PPFIBP2: variants seen among roughly 807,000 people sequenced by gnomAD.
PPFIBP2 encodes the protein PPFIB scaffold protein 2.
A neutral mutation model predicts 118.3 loss-of-function variants in PPFIBP2; 118 were observed. That is an observed-to-expected ratio of 1.00 (90% CI 0.86 to 1.16). PPFIBP2 has a LOEUF of 1.16. Ranked by LOEUF, PPFIBP2 falls within the 50% of genes most tolerant of loss-of-function variation. The pLI is 0.00. For missense variants in PPFIBP2, 1,195 were observed against 1,073.1 expected (o/e 1.11, Z -1.59); for synonymous variants, 414 against 397.4 (o/e 1.04, Z -0.50).
chr11:7,639,928 G>A (rs1222285126), intron 15 of PPFIBP2, 58 bp downstream of exon 15: 5 of 1,562,220 alleles, frequency 3.2e-6, no homozygotes, highest in East Asian at 2.3e-5. Flanking sequence ...CACTTTCAAT[G>A]ATTGTATAAG....
At chr11:7,555,022 T>G (rs576962513) in intron 2 of PPFIBP2, among the ~76,000 whole-genome samples, 3 of 152,244 alleles carry the variant, frequency 2.0e-5, no homozygotes, top group African/African-American at 7.2e-5. Context: ...TCACTGTAAT[T>G]GAATTACACT....
At chr11:7,643,073 T>A (rs1331639563) in intron 17 of PPFIBP2, among the ~76,000 whole-genome samples, 5 of 152,186 alleles carry the variant, frequency 3.3e-5, no homozygotes, top group African/African-American at 1.2e-4. Flanking sequence ...GACCATTAGC[T>A]TTTAGAGGCT....
intron 7 of PPFIBP2, among the ~76,000 whole-genome samples, chr11:7,622,433 C>T (rs367678088): frequency 6.6e-5 from 10 of 152,180 alleles, no homozygotes. Context: ...CTCTCTATCT[C>T]AGTGTCTCTG....
chr11:7,526,826 C>G (rs1185010424), intron 1 of PPFIBP2, among the ~76,000 whole-genome samples: 1 of 152,106 alleles, frequency 6.6e-6, no homozygotes, highest in Non-Finnish European at 1.5e-5. Context: ...GAGCAAATGT[C>G]TTTGTGGGCT....
chr11:7,611,373 G>A (rs1848053408), intron 6 of PPFIBP2, among the ~76,000 whole-genome samples: 1 of 151,950 alleles, frequency 6.6e-6, no homozygotes, highest in Admixed American at 6.5e-5. Context: ...GATGGATATT[G>A]TTCCCTTCTG....
At chr11:7,542,517 T>C (rs1851902887) in intron 1 of PPFIBP2, among the ~76,000 whole-genome samples, 1 of 152,260 alleles carries the variant, frequency 6.6e-6, no homozygotes, top group Admixed American at 6.5e-5. Context: ...CTTCCTCAGA[T>C]GCAGCTGCTT....
At chr11:7,570,193 G>C (rs1309694780) in intron 3 of PPFIBP2, among the ~76,000 whole-genome samples, 1 of 152,182 alleles carries the variant, frequency 6.6e-6, no homozygotes, top group Admixed American at 6.5e-5. Context: ...AGGTTGGGTG[G>C]TGGAAACCTT....
In PPFIBP2 at chr11:7,629,446, T is replaced by G; in HGVS notation, c.889-13T>G. 1 of 1,612,786 alleles carries G rather than the reference T, an allele frequency of 6.2e-7. No individual in the cohort carries two copies. ...CATAGCATTAATCTAAATCTCTACT[T>G]GCACTATGGCAGGACCGTCGGATAG... On this transcript the variant is annotated splice_polypyrimidine_tract_variant and intron_variant, in intron 9 of 23. Transcript: ENST00000299492.
At chr11:7,618,885 GTTTT>G (rs36101082) in intron 6 of PPFIBP2, among the ~76,000 whole-genome samples, 2 of 124,544 alleles carry the variant, frequency 1.6e-5, no homozygotes, top group Non-Finnish European at 3.3e-5. Flanking sequence ...CCATCCAGAA[GTTTT>G]TTTTTTTTTT....
rs1848622426 is a variant in PPFIBP2 at position 7,616,175 on chromosome 11, T to A, written c.619-4760T>A. ...ACACACAAACACCCACACACAGTTATGTTCTTAAAAAGAAAAAATGGACTT... is the reference window on the plus strand; with the variant it reads ...ACACACAAACACCCACACACAGTTAAGTTCTTAAAAAGAAAAAATGGACTT... On this transcript the variant is annotated intron_variant, in intron 6 of 23. Coordinates refer to ENST00000299492, the MANE Select transcript of PPFIBP2 (RefSeq NM_003621.5). This position sits in a 1 kb window ranked among gnomAD's most constrained non-coding sequence, Gnocchi z 5.2. Among the ~76,000 whole-genome samples, 2 of 152,056 alleles carry A rather than the reference T, an allele frequency of 1.3e-5. No individual in the cohort carries two copies. Among genetic ancestry groups the A allele is most frequent in the South Asian group, 2.1e-4 (1 of 4,820 alleles).
At position 7,632,874 on chromosome 11, in the gene PPFIBP2, C is replaced by G; in HGVS notation, c.1076C>G (p.Pro359Arg). 1 of 1,613,664 alleles carries G rather than the reference C, an allele frequency of 6.2e-7. No homozygotes were observed. The highest frequency in any genetic ancestry group is 2.2e-5 in the East Asian group (1 of 44,868). Reference protein sequence around the residue: ...PEELFKQEMPPRCSSPTVGPP... With the variant: ...PEELFKQEMPRRCSSPTVGPP... ...CTTCTGTCTCTGGTGCAGATGCCTCCAAGATGTAGCTCTCCTACAGTGGGG... is the reference window on the plus strand; with the variant it reads ...CTTCTGTCTCTGGTGCAGATGCCTCGAAGATGTAGCTCTCCTACAGTGGGG... The change falls in exon 12 of 24, where the codon CCA (proline) becomes CGA (arginine). Residue 359 changes from proline (P) to arginine (R), a missense_variant. Physicochemically the swap from Pro to Arg is moderately radical, Grantham distance 103. Transcript: ENST00000299492.
Position 7,629,481 on chromosome 11 carries a change from C to T in PPFIBP2, c.911C>T (p.Thr304Met), listed in dbSNP as rs756829927. 32 of 1,614,058 alleles carry T rather than the reference C, an allele frequency of 2.0e-5. No homozygotes were observed. Among genetic ancestry groups the T allele is most frequent in the South Asian group, 4.4e-5 (4 of 91,080 alleles). The change falls in exon 10 of 24, where the codon ACG becomes ATG. Residue 304 changes from threonine to methionine, a missense_variant. Thr to Met is a moderately conservative substitution (Grantham distance 81). Transcript: ENST00000299492. ...CAGGACCGTCGGATAGAGGAGCTTA[C>T]GGGGCTGTTAAACCAGTACCGGAAG... ...EDKDRRIEEL[T>M]GLLNQYRKVK...
intron 3 of PPFIBP2, among the ~76,000 whole-genome samples, chr11:7,576,129 G>A (rs1463800798): frequency 6.6e-6 from 1 of 152,236 alleles, no homozygotes; most frequent in African/African-American, 2.4e-5. Flanking sequence ...GGCATGAGGG[G>A]CATGAAGGAC....
chr11:7,529,333 T>G (rs1850481969), intron 1 of PPFIBP2, among the ~76,000 whole-genome samples: 1 of 152,140 alleles, frequency 6.6e-6, no homozygotes, highest in Non-Finnish European at 1.5e-5. Context: ...ATGAGACAGA[T>G]CTTATCGGCT....
At chr11:7,572,246 G>A (rs1418430466) in intron 3 of PPFIBP2, among the ~76,000 whole-genome samples, 1 of 152,112 alleles carries the variant, frequency 6.6e-6, no homozygotes, top group African/African-American at 2.4e-5. Context: ...CACAGTTTAT[G>A]TCACGCCCTG....
intron 1 of PPFIBP2, among the ~76,000 whole-genome samples, chr11:7,528,353 A>G (rs138559542): frequency 2.2e-4 from 34 of 152,330 alleles, no homozygotes; most frequent in Non-Finnish European, 3.1e-4. Context: ...ACATTACAAT[A>G]GAAACTGTTA....
intron 17 of PPFIBP2, among the ~76,000 whole-genome samples, chr11:7,646,436 T>C (rs1017936324): frequency 6.6e-6 from 1 of 152,244 alleles, no homozygotes; most frequent in Non-Finnish European, 1.5e-5. Flanking sequence ...ACTATTGTCA[T>C]AGAAGATAAA....
At chr11:7,662,378 A>G in the PPFIBP2 span, among the ~76,000 whole-genome samples, 1 of 152,256 alleles carries the variant, frequency 6.6e-6, no homozygotes. Context: ...GCTTGTCTGT[A>G]AAGTGTTTTA....
chr11:7,639,585 C>G, intron 14 of PPFIBP2, 147 bp from the exon 15 acceptor site: 1 of 1,006,914 alleles, frequency 9.9e-7, no homozygotes, highest in Non-Finnish European at 1.5e-6. Flanking sequence ...CTTTCTCGGA[C>G]TAGCTAAATA....
Sources: gnomAD v4.1 joint callset for allele counts (sites outside exome capture counted in the v4.1 genomes callset) on GRCh38, gnomAD v4.1.1 for gene constraint, Gnocchi (gnomAD v3.1) non-coding constraint, MANE v1.5 for transcripts, NCBI Gene and HGNC (gene_info 2026-07-23, HGNC 2026-07-21) for gene names.